Variants in NCSTN observed in about 807,000 individuals in gnomAD.
The protein encoded by NCSTN is anterior pharynx-defective 2.
A neutral mutation model predicts 87.0 loss-of-function variants in NCSTN; 22 were observed. The observed-to-expected ratio is 0.25, with a 90% CI of 0.18 to 0.36. The LOEUF is 0.36. NCSTN is among the 10% of genes least tolerant of loss of function. The pLI, the probability that NCSTN is intolerant of heterozygous loss-of-function variation, is 1.00. For missense variants in NCSTN, 693 were observed against 883.3 expected (o/e 0.78, Z 2.73); for synonymous variants, 306 against 327.1 (o/e 0.94, Z 0.69).
intron 13 of NCSTN, 111 bp from the exon 14 acceptor site, chr1:160,356,149 G>A (rs766517359): frequency 9.9e-6 from 11 of 1,107,074 alleles, no homozygotes; most frequent in Admixed American, 1.9e-5. Flanking sequence ...CCCAACTCCA[G>A]TCTATCTGGC....
At chr1:160,344,560 C>T (rs753011430) in intron 1 of NCSTN, 162 bp from the exon 2 acceptor site, 205 of 1,550,772 alleles carry the variant, frequency 1.3e-4, no homozygotes, top group African/African-American at 1.2e-3. Context: ...GTATCTGTTA[C>T]GATAAGTGTG....
At chr1:160,354,367 C>T (rs1649027984) in intron 11 of NCSTN, 77 bp downstream of exon 11, 1 of 1,491,194 alleles carries the variant, frequency 6.7e-7, no homozygotes, top group Non-Finnish European at 9.3e-7. Context: ...AGGTCACTGC[C>T]CTCCGCTTTC....
In NCSTN at chr1:160,351,812, G is replaced by C. The variant is rs752392004; in HGVS notation, c.843+7G>C. 2 of 1,589,466 alleles carry C rather than the reference G, an allele frequency of 1.3e-6. No individual in the cohort carries two copies. The highest frequency in any genetic ancestry group is 1.7e-6 in the Non-Finnish European group (2 of 1,157,596). On this transcript the variant is annotated splice_region_variant and intron_variant, in intron 7 of 16. Coordinates refer to ENST00000294785, the MANE Select transcript of NCSTN (RefSeq NM_015331.3). ...TGTGGTTGCTGCCACCCGGGTGAGT[G>C]TTGGCTTCTGATCAGGATGGGCAGG... is the stretch of plus-strand genomic sequence containing the variant.
intron 13 of NCSTN, 128 bp from the exon 14 acceptor site, chr1:160,356,132 A>G (rs557455443): frequency 2.0e-6 from 2 of 1,022,628 alleles, no homozygotes; most frequent in South Asian, 1.3e-5. Context: ...TGAGCCAGCT[A>G]CTGTCTCCCA....
chr1:160,343,452 G>A lies in NCSTN; in HGVS notation c.56G>A (p.Arg19His), dbSNP rs201530191. 3.7e-6 allele frequency: 6 copies of A among 1,611,400 alleles called. No individual in the cohort carries two copies. Among genetic ancestry groups the A allele is most frequent in the Non-Finnish European group, 4.2e-6 (5 of 1,179,266 alleles). The change falls in exon 1 of 17, where the codon CGC (arginine) becomes CAC (histidine). Residue 19 changes from arginine to histidine, a missense_variant. Arg to His is a conservative substitution (Grantham distance 29, BLOSUM62 0). Coordinates refer to ENST00000294785, the MANE Select transcript of NCSTN (RefSeq NM_015331.3). The stretch of plus-strand genomic sequence containing the variant: ...GACCCGGGAAGTCGGGGTCTCCTTC[G>A]CCTTCTGTCTTTCTGCGTCCTACTA... The part of the protein sequence containing the change: ...GADPGSRGLL[R>H]LLSFCVLLAG...
chr1:160,348,069 GAGA>G (rs746975273), intron 2 of NCSTN, among the ~76,000 whole-genome samples: 2 of 152,238 alleles, frequency 1.3e-5, no homozygotes, highest in African/African-American at 2.4e-5. Context: ...AGCCAGGGCT[GAGA>G]ACTACTGGTC....
At chr1:160,348,588 A>T (rs1388520269) in intron 2 of NCSTN, among the ~76,000 whole-genome samples, 1 of 152,250 alleles carries the variant, frequency 6.6e-6, no homozygotes, top group Non-Finnish European at 1.5e-5. Context: ...TCCTGAGGCC[A>T]AGGGCATGTA....
chr1:160,355,593 G>A (rs1337815843), intron 11 of NCSTN, 62 bp from the exon 12 acceptor site: 1 of 1,217,038 alleles, frequency 8.2e-7, no homozygotes, highest in Non-Finnish European at 1.2e-6. Flanking sequence ...GAGCATTTGA[G>A]GGAGGAAAGG....
intron 1 of NCSTN, chr1:160,343,867 G>A: frequency 2.1e-6 from 1 of 468,454 alleles, no homozygotes; most frequent in East Asian, 6.3e-5. Flanking sequence ...TTGTTCTGTG[G>A]GTGCTGTGCG....
intron 9 of NCSTN, 53 bp downstream of exon 9, chr1:160,353,044 G>T: frequency 6.3e-7 from 1 of 1,587,528 alleles, no homozygotes; most frequent in Non-Finnish European, 8.6e-7. Flanking sequence ...TTCCTCCTTT[G>T]TTGTTCTGCG....
chr1:160,356,423 T>C, intron 14 of NCSTN, 76 bp downstream of exon 14: 4 of 1,465,012 alleles, frequency 2.7e-6, no homozygotes, highest in Non-Finnish European at 3.8e-6. Flanking sequence ...TTAACCTTTA[T>C]TATTTTTTTT....
chr1:160,349,247 G>C, intron 3 of NCSTN, 125 bp downstream of exon 3: 1 of 1,343,942 alleles, frequency 7.4e-7, no homozygotes, highest in East Asian at 2.4e-5. Flanking sequence ...AGGGCAGGGT[G>C]GTCCTCAGAA....
At position 160,357,049 on chromosome 1, in the gene NCSTN, G is replaced by A; in HGVS notation, c.1803G>A (p.Glu601=). 15 of 1,613,654 alleles carry A rather than the reference G, an allele frequency of 9.3e-6. No homozygotes were observed. The highest frequency in any genetic ancestry group is 1.2e-5 in the Non-Finnish European group (14 of 1,179,658). Residue 601 remains glutamate (E), a synonymous_variant, in exon 16 of 17, where the codon GAG becomes GAA. Transcript: ENST00000294785. ...GCGCATCTTCTGTGCAGCTGTATGAGTACTCATGGGTCCAGGGCCCTTTGC... is the reference window on the plus strand; with the variant it reads ...GCGCATCTTCTGTGCAGCTGTATGAATACTCATGGGTCCAGGGCCCTTTGC... ...KVPSENKDLY[E]YSWVQGPLHS...
chr1:160,344,961 G>C, intron 2 of NCSTN, 135 bp downstream of exon 2: 1 of 772,376 alleles, frequency 1.3e-6, no homozygotes, highest in South Asian at 1.5e-5. Context: ...ATAACCGTCT[G>C]TCAAGCTAGG....
At position 160,355,883 on chromosome 1, in the gene NCSTN, G is replaced by A. The variant is rs140054014; in HGVS notation, c.1476G>A (p.Thr492=). ...DTAKALADVA[T]VLGRALYELA... ...CACAGGCCCTGGCAGATGTGGCCAC[G>A]GTGCTGGGACGTGCTCTGTATGAGC... The change falls in exon 13 of 17, where the codon ACG becomes ACA. Residue 492 remains threonine, a synonymous_variant. Coordinates refer to ENST00000294785, the MANE Select transcript of NCSTN (RefSeq NM_015331.3). 1.6e-4 allele frequency: 251 copies of A among 1,614,074 alleles called. No individual in the cohort carries two copies. Among genetic ancestry groups the A allele is most frequent in the Non-Finnish European group, 2.0e-4 (234 of 1,180,036 alleles).
At chr1:160,348,890 C>T (rs1571201938) in intron 2 of NCSTN, 109 bp from the exon 3 acceptor site, 1 of 1,512,788 alleles carries the variant, frequency 6.6e-7, no homozygotes, top group East Asian at 2.3e-5. Context: ...CTGTATTCAC[C>T]CAAATATGTT....
chr1:160,355,979 T>G, intron 13 of NCSTN, 21 bp downstream of exon 13: 1 of 1,584,898 alleles, frequency 6.3e-7, no homozygotes, highest in Non-Finnish European at 8.7e-7. Context: ...GGGCCCTAGC[T>G]CCTTCTTTCT....
Position 160,358,176 on chromosome 1 carries a change from A to C in NCSTN, c.2035A>C (p.Ile679Leu). 1 of 1,614,036 alleles carries C rather than the reference A, an allele frequency of 6.2e-7. No homozygotes were observed. The highest frequency in any genetic ancestry group is 8.5e-7 in the Non-Finnish European group (1 of 1,180,012). The change falls in exon 17 of 17, where the codon ATC (isoleucine) becomes CTC (leucine). Residue 679 changes from isoleucine to leucine, a missense_variant. Ile to Leu is a conservative substitution (Grantham distance 5). This residue lies in a region of NCSTN where 216 missense variants were observed against 311.7 expected (regional missense o/e 0.69). Coordinates refer to ENST00000294785, the MANE Select transcript of NCSTN (RefSeq NM_015331.3). ...ELITLTVGFG[I>L]LIFSLIVTYC... ...GATCACCCTGACAGTGGGCTTCGGCATCCTCATCTTCTCCCTCATCGTCAC... is the reference window on the plus strand; with the variant it reads ...GATCACCCTGACAGTGGGCTTCGGCCTCCTCATCTTCTCCCTCATCGTCAC...
chr1:160,351,125 C>T, intron 5 of NCSTN, 97 bp from the exon 6 acceptor site: 1 of 1,286,818 alleles, frequency 7.8e-7, no homozygotes, highest in Non-Finnish European at 1.1e-6. Flanking sequence ...GGTGTGGCTC[C>T]ATCCCAAAAG....
Sources: allele counts gnomAD v4.1 joint callset (sites outside exome capture counted in the v4.1 genomes callset), GRCh38; gene constraint gnomAD v4.1.1; regional missense constraint gnomAD v4.1.1; transcripts MANE v1.5; gene names NCBI Gene and HGNC (gene_info 2026-07-23, HGNC 2026-07-21).